The following HNRNPC variants were observed in gnomAD, a reference collection of about 807,000 sequenced individuals.
HNRNPC encodes heterogeneous nuclear ribonucleoprotein C.
In HNRNPC, 3 loss-of-function variants were observed where a neutral mutation model predicts 33.2. The observed-to-expected ratio is 0.09, with a 90% confidence interval of 0.04 to 0.23. HNRNPC has a LOEUF of 0.23. HNRNPC is among the 10% of genes least tolerant of loss of function. HNRNPC has a pLI of 1.00. For missense variants in HNRNPC, 143 were observed against 366.7 expected (o/e 0.39, Z 4.98); for synonymous variants, 121 against 126.7 (o/e 0.96, Z 0.30).
intron 5 of HNRNPC, among the ~76,000 whole-genome samples, chr14:21,215,729 G>A (rs371293086): frequency 1.3e-5 from 2 of 151,698 alleles, no homozygotes; most frequent in South Asian, 4.2e-4. Context: ...GAAACCCCGT[G>A]TATACTAAAA....
chr14:21,237,876 A>G (rs1894891586), intron 2 of HNRNPC, among the ~76,000 whole-genome samples: 1 of 152,220 alleles, frequency 6.6e-6, no homozygotes, highest in East Asian at 1.9e-4. Flanking sequence ...GTTCCAAGTG[A>G]TTCTCCTGCC....
chr14:21,246,087 T>G (rs905608151), intron 2 of HNRNPC, among the ~76,000 whole-genome samples: 5 of 151,930 alleles, frequency 3.3e-5, no homozygotes, highest in Admixed American at 3.3e-4. Flanking sequence ...GCCTCCCAAA[T>G]TGCTGGGATT....
chr14:21,211,677 A>G lies in HNRNPC; in HGVS notation c.638-111T>C, dbSNP rs1891621800. 5.7e-6 allele frequency: 8 copies of G among 1,409,426 alleles called. No individual in the cohort carries two copies. The South Asian group carries it at 1.0e-4, about 18-fold the overall frequency. 87.3% of individuals were successfully genotyped at this position (1,409,426 alleles called of 1,614,324 possible). ...CACAAATCTAAATCCTCCCACACAA[A>G]TACCCTTCCCAATTCACACTCCCCA... On this transcript the variant is annotated intron_variant, in intron 7 of 8. Coordinates refer to ENST00000553300, the MANE Select transcript of HNRNPC (RefSeq NM_004500.4).
intron 4 of HNRNPC, 169 bp downstream of exon 4, chr14:21,230,828 C>G: frequency 4.4e-6 from 3 of 688,376 alleles, no homozygotes; most frequent in Non-Finnish European, 4.6e-6. Context: ...CATATTAACA[C>G]AAAAATAATA....
intron 2 of HNRNPC, among the ~76,000 whole-genome samples, chr14:21,251,644 T>C (rs1180678649): frequency 6.6e-6 from 1 of 151,934 alleles, no homozygotes; most frequent in Non-Finnish European, 1.5e-5. Context: ...ACTGCGCCGC[T>C]GCACTCCAGC....
rs1891475034 is a variant in HNRNPC, at chr14:21,210,355, C to CTAT, written c.*865_*867dup. 1 of 152,248 alleles carries CTAT rather than the reference C, an allele frequency of 6.6e-6. No individual in the cohort carries two copies. Among genetic ancestry groups the CTAT allele is most frequent in the East Asian group, 1.9e-4 (1 of 5,194 alleles). 9.4% of individuals were successfully genotyped at this position (152,248 alleles called of 1,614,324 possible). ...AAGCCATTTTGAAAAAGTCTCCACT[C>CTAT]TATGTCAAGTTGACTCCTCAATGCA... On this transcript the variant is annotated 3_prime_UTR_variant, in exon 9 of 9. Transcript: ENST00000553300.
intron 2 of HNRNPC, among the ~76,000 whole-genome samples, chr14:21,237,172 C>CCTAT (rs1484687378): frequency 6.6e-6 from 1 of 152,016 alleles, no homozygotes; most frequent in Non-Finnish European, 1.5e-5. Context: ...GTAAACAAAC[C>CCTAT]CTATGTGGTT....
At chr14:21,264,749 C>T (rs1878701273) in intron 1 of HNRNPC, 1 of 152,098 alleles carries the variant, frequency 6.6e-6, no homozygotes, top group Non-Finnish European at 1.5e-5. Flanking sequence ...TATTTTAAGG[C>T]CAAGTGTGGT....
chr14:21,229,834 T>A (rs1230956260), intron 5 of HNRNPC, among the ~76,000 whole-genome samples: 1 of 152,224 alleles, frequency 6.6e-6, no homozygotes, highest in East Asian at 1.9e-4. Context: ...ATGTTTAAAG[T>A]CTATTGCATA....
intron 5 of HNRNPC, among the ~76,000 whole-genome samples, chr14:21,226,773 G>A (rs1249892745): frequency 6.6e-6 from 1 of 151,066 alleles, no homozygotes; most frequent in African/African-American, 2.4e-5. Context: ...CCAGCTACCT[G>A]GGAGACTGAA....
rs539748518 is a variant in HNRNPC, at chr14:21,216,624, G to A, written c.366-3507C>T. Among the ~76,000 whole-genome samples, 44 of 152,206 alleles carry A rather than the reference G, an allele frequency of 2.9e-4. No individual in the cohort carries two copies. In the South Asian group the frequency reaches 4.6e-3, roughly 16 times the overall value. On this transcript the variant is annotated intron_variant, in intron 5 of 8. Coordinates refer to ENST00000553300, the MANE Select transcript of HNRNPC (RefSeq NM_004500.4). ...CTCCGGGGGCTGAGGGACAACAATC[G>A]CTTGAACCTAACAGGCGGAGTTCAT...
rs1342022756 is a variant in HNRNPC at position 21,220,506 on chromosome 14, G to C, written c.366-7389C>G. On this transcript the variant is annotated intron_variant, in intron 5 of 8. Transcript: ENST00000553300. Reference sequence around the variant, plus strand: ...GGCCTCCCAAAGTGCTGGGATTACAGGCGTCAGCCACCACTCTCGGCCTCT... The same window carrying C: ...GGCCTCCCAAAGTGCTGGGATTACACGCGTCAGCCACCACTCTCGGCCTCT... Among the ~76,000 whole-genome samples the C allele has an allele frequency of 8.5e-5, 13 of 152,312 alleles. No individual in the cohort carries two copies. In the East Asian group the frequency reaches 2.1e-3, roughly 25 times the overall value.
intron 2 of HNRNPC, among the ~76,000 whole-genome samples, chr14:21,238,492 C>T (rs1594265116): frequency 6.6e-6 from 1 of 152,290 alleles, no homozygotes; most frequent in East Asian, 1.9e-4. Context: ...AAATTCACTA[C>T]AATGTACATA....
intron 2 of HNRNPC, among the ~76,000 whole-genome samples, chr14:21,248,957 C>T (rs1896307570): frequency 6.6e-6 from 1 of 152,268 alleles, no homozygotes; most frequent in East Asian, 1.9e-4. Context: ...GTGCAGCAAT[C>T]CAATGGAATG....
chr14:21,247,623 C>T (rs1046143414), intron 2 of HNRNPC, among the ~76,000 whole-genome samples: 1 of 151,968 alleles, frequency 6.6e-6, no homozygotes, highest in African/African-American at 2.4e-5. Flanking sequence ...ACTCATACTT[C>T]CAAATTGAAG....
In HNRNPC at chr14:21,209,842, G is replaced by A. The variant is rs1332241781; in HGVS notation, c.*1381C>T. The A allele has an allele frequency of 6.6e-6, 1 of 152,154 alleles. No homozygotes were observed. The highest frequency in any genetic ancestry group is 1.5e-5 in the Non-Finnish European group (1 of 68,026). The allele number at this position is 152,154 out of a possible 1,614,324, so 9.4% of individuals were successfully genotyped here. Reference sequence around the variant, plus strand: ...AACACAAATGAACTAAGCCTTTCAAGGATGAGGTATCACCAACACTGGTAG... The same window carrying A: ...AACACAAATGAACTAAGCCTTTCAAAGATGAGGTATCACCAACACTGGTAG... On this transcript the variant is annotated 3_prime_UTR_variant, in exon 9 of 9. Transcript: ENST00000553300.
intron 5 of HNRNPC, among the ~76,000 whole-genome samples, chr14:21,220,895 TG>T (rs1892752791): frequency 6.6e-6 from 1 of 151,580 alleles, no homozygotes; most frequent in Non-Finnish European, 1.5e-5. Flanking sequence ...GACACCAGCC[TG>T]GGCAACATGG....
chr14:21,227,171 C>CA (rs1893561292), intron 5 of HNRNPC, among the ~76,000 whole-genome samples: 1 of 151,938 alleles, frequency 6.6e-6, no homozygotes, highest in Admixed American at 6.6e-5. Context: ...TCCAAACCAG[C>CA]AAAAAACTCC....
intron 3 of HNRNPC, among the ~76,000 whole-genome samples, chr14:21,233,515 G>A (rs1024299372): frequency 6.6e-6 from 1 of 152,078 alleles, no homozygotes; most frequent in African/African-American, 2.4e-5. Flanking sequence ...CAAATCATAG[G>A]TAGTAAGTAC....
Sources: allele counts gnomAD v4.1 joint callset (sites outside exome capture counted in the v4.1 genomes callset), GRCh38; gene constraint gnomAD v4.1.1; transcripts MANE v1.5; gene names NCBI Gene and HGNC (gene_info 2026-07-23, HGNC 2026-07-21).